BICC1: variants seen among roughly 807,000 people sequenced by gnomAD.
BICC1 encodes the protein protein bicaudal C homolog 1.
In BICC1, 43 loss-of-function variants were observed where a neutral mutation model predicts 111.0. That is an observed-to-expected ratio of 0.39 (90% CI 0.30 to 0.50). The LOEUF is 0.50. BICC1 is among the 20% of genes least tolerant of loss of function. BICC1 has a pLI of 0.88. For missense variants in BICC1, 1,091 were observed against 1,203.2 expected, an observed-to-expected ratio of 0.91 and a Z score of 1.38; for synonymous variants, 467 against 434.4, an observed-to-expected ratio of 1.07 and a Z score of -0.93.
chr10:58,680,471 T>C (rs1424012141), intron 2 of BICC1, among the ~76,000 whole-genome samples: 1 of 152,172 alleles, frequency 6.6e-6, no homozygotes, highest in African/African-American at 2.4e-5. Context: ...TTACAAGGAA[T>C]GTGAAGGACC....
intron 2 of BICC1, among the ~76,000 whole-genome samples, chr10:58,635,777 A>T (rs1837935222): frequency 1.3e-5 from 2 of 152,144 alleles, no homozygotes. Flanking sequence ...CCAAGCCCTG[A>T]TCGTTCTTGA....
intron 3 of BICC1, among the ~76,000 whole-genome samples, chr10:58,740,441 C>T (rs959610012): frequency 5.3e-5 from 8 of 152,084 alleles, no homozygotes; most frequent in Non-Finnish European, 8.8e-5. Flanking sequence ...AAAATGAGAT[C>T]AGCTCTGATT....
rs1480877008 is a variant in BICC1, at chr10:58,648,441, A to G, written c.237+27540A>G. On this transcript the variant is annotated intron_variant, in intron 2 of 20. Transcript: ENST00000373886. ...CTTTTGAATCTAAGCCAAAAAAGGC[A>G]TTTATTATACACAGAGTTATGTTCT... 4 of 908,046 alleles carry G rather than the reference A, an allele frequency of 4.4e-6. No homozygotes were observed. In the East Asian group the frequency reaches 4.7e-4, roughly 108 times the overall value. The allele number at this position is 908,046 out of a possible 1,614,324, so 56.2% of individuals were successfully genotyped here.
intron 3 of BICC1, among the ~76,000 whole-genome samples, chr10:58,763,553 C>A (rs1842377846): frequency 6.6e-6 from 1 of 152,124 alleles, no homozygotes; most frequent in Admixed American, 6.5e-5. Context: ...GAATTACATA[C>A]ACAGGAGAGA....
intron 1 of BICC1, among the ~76,000 whole-genome samples, chr10:58,557,451 C>A (rs144989342): frequency 6.6e-6 from 1 of 151,080 alleles, no homozygotes; most frequent in African/African-American, 2.4e-5. Context: ...ATTCAAATAT[C>A]CTTTCTGTTT....
chr10:58,741,826 T>G (rs1050631952), intron 3 of BICC1, among the ~76,000 whole-genome samples: 35 of 152,322 alleles, frequency 2.3e-4, no homozygotes, highest in African/African-American at 7.9e-4. Flanking sequence ...GAGTCAAGAC[T>G]GACTTAGAGG....
intron 9 of BICC1, among the ~76,000 whole-genome samples, chr10:58,794,878 C>G (rs1843300806): frequency 6.6e-6 from 1 of 152,302 alleles, no homozygotes; most frequent in African/African-American, 2.4e-5. Context: ...AGTTCTACTT[C>G]TGATTATACA....
Position 58,639,435 on chromosome 10 carries a change from C to A in BICC1, c.237+18534C>A, listed in dbSNP as rs188830208. Among the ~76,000 whole-genome samples, 526 of 146,938 alleles carry A rather than the reference C, an allele frequency of 3.6e-3. 1 individual carries two copies. Among genetic ancestry groups the A allele is most frequent in the African/African-American group, 0.012 (475 of 39,720 alleles). ...TTTTTGAGACAGAGTCTCACACTCA[C>A]CCAGGCTGGAGTGCAGTGGTGCAAT... is the stretch of plus-strand genomic sequence containing the variant. On this transcript the variant is annotated intron_variant, in intron 2 of 20. Transcript: ENST00000373886.
At chr10:58,559,159 T>G (rs1843538853) in intron 1 of BICC1, among the ~76,000 whole-genome samples, 1 of 152,088 alleles carries the variant, frequency 6.6e-6, no homozygotes, top group South Asian at 2.1e-4. Context: ...AATGTATTTA[T>G]ATATATTTAG....
At chr10:58,514,365 G>A (rs931737262) in intron 1 of BICC1, among the ~76,000 whole-genome samples, 14 of 152,192 alleles carry the variant, frequency 9.2e-5, no homozygotes, top group African/African-American at 3.4e-4. Context: ...CTTTTATCAT[G>A]GAGGAGTTTG....
intron 1 of BICC1, among the ~76,000 whole-genome samples, chr10:58,524,054 T>C (rs1416812621): frequency 6.6e-6 from 1 of 151,916 alleles, no homozygotes; most frequent in Non-Finnish European, 1.5e-5. Context: ...TAAAAGAGGA[T>C]ACAAACAAAT....
intron 2 of BICC1, among the ~76,000 whole-genome samples, chr10:58,660,384 C>T (rs1838802461): frequency 6.6e-6 from 1 of 151,764 alleles, no homozygotes; most frequent in African/African-American, 2.4e-5. Context: ...TGGATCACCT[C>T]TCCTCAGGAA....
intron 3 of BICC1, among the ~76,000 whole-genome samples, chr10:58,741,706 G>T (rs1228088951): frequency 1.3e-5 from 2 of 152,128 alleles, no homozygotes; most frequent in Admixed American, 1.3e-4. Flanking sequence ...TCCAAGGATT[G>T]TGTACCTAGT....
chr10:58,599,096 T>A (rs1420205696), intron 1 of BICC1, among the ~76,000 whole-genome samples: 1 of 152,160 alleles, frequency 6.6e-6, no homozygotes, highest in Non-Finnish European at 1.5e-5. Flanking sequence ...GTGTAGCAAT[T>A]CCTCAAGGAT....
intron 15 of BICC1, among the ~76,000 whole-genome samples, chr10:58,805,294 A>AAAAC (rs781154182): frequency 2.7e-5 from 4 of 150,386 alleles, no homozygotes; most frequent in Non-Finnish European, 4.4e-5. Context: ...CTCTGTCTAA[A>AAAAC]AAACAAACAA....
chr10:58,565,166 AT>A lies in BICC1; in HGVS notation c.190+51837del, dbSNP rs577970236. ...GATAGAGATGCATTTCATATTTAGG[AT>A]TTTATTAGCTTTTATGCTTCATCTA... On this transcript the variant is annotated intron_variant, in intron 1 of 20. Coordinates refer to ENST00000373886, the MANE Select transcript of BICC1 (RefSeq NM_001080512.3). Among the ~76,000 whole-genome samples, 62 of 152,264 alleles carry A rather than the reference AT, an allele frequency of 4.1e-4. 1 individual carries two copies. The South Asian group carries it at 0.012, about 30-fold the overall frequency.
At chr10:58,823,716 A>C (rs995534882) in intron 20 of BICC1, 57 of 985,056 alleles carry the variant, frequency 5.8e-5, no homozygotes, top group Non-Finnish European at 6.4e-5. Flanking sequence ...GTCTTCCTGA[A>C]TTGTATGTTA....
chr10:58,611,955 C>T (rs1245318793), intron 1 of BICC1, among the ~76,000 whole-genome samples: 1 of 152,080 alleles, frequency 6.6e-6, no homozygotes. Context: ...TTATTTTTGT[C>T]TATTCTTAAT....
At chr10:58,654,927 T>C (rs10740745) in intron 2 of BICC1, among the ~76,000 whole-genome samples, 123,990 of 135,768 alleles carry the variant, frequency 0.91, 57,829 homozygotes, top group East Asian at 1. Flanking sequence ...CAGCACCATT[T>C]ATTAAATAGG....
Sources: allele counts gnomAD v4.1 joint callset (sites outside exome capture counted in the v4.1 genomes callset), GRCh38; gene constraint gnomAD v4.1.1; transcripts MANE v1.5; gene names NCBI Gene and HGNC (gene_info 2026-07-23, HGNC 2026-07-21).